The following LRP5 variants were observed in gnomAD, a reference collection of about 807,000 sequenced individuals.
LRP5 encodes LDL receptor related protein 5, also known as low-density lipoprotein receptor-related protein 5.
In LRP5, 62 loss-of-function variants were observed where a neutral mutation model predicts 154.1. The ratio of observed to expected loss-of-function variants is 0.40; its 90% CI spans 0.33 to 0.50. The LOEUF is 0.50. Among genes scored for constraint, LRP5 ranks in the 20% least tolerant of loss-of-function variants. The pLI is 0.55. For missense variants in LRP5, 1,915 were observed against 2,336.7 expected, an observed-to-expected ratio of 0.82 and a Z score of 3.72; for synonymous variants, 966 against 1,011.5, an observed-to-expected ratio of 0.96 and a Z score of 0.85.
intron 1 of LRP5, among the ~76,000 whole-genome samples, chr11:68,340,580 C>T (rs1256973897): frequency 6.6e-6 from 1 of 152,110 alleles, no homozygotes; most frequent in Non-Finnish European, 1.5e-5. Context: ...ATGTTGAGGT[C>T]AGAGGGGTTG....
intron 2 of LRP5, among the ~76,000 whole-genome samples, chr11:68,350,407 C>T (rs2098617290): frequency 6.6e-6 from 1 of 152,222 alleles, no homozygotes; most frequent in African/African-American, 2.4e-5. Flanking sequence ...CACAGGAGCC[C>T]GCCTGCCCTC....
At chr11:68,317,277 G>T (rs1380566131) in intron 1 of LRP5, among the ~76,000 whole-genome samples, 1 of 152,262 alleles carries the variant, frequency 6.6e-6, no homozygotes, top group Admixed American at 6.5e-5. Flanking sequence ...TGCCCATGCT[G>T]GTGGGGTCCC....
intron 5 of LRP5, among the ~76,000 whole-genome samples, chr11:68,369,354 GT>G (rs762448672): frequency 2.4e-4 from 37 of 152,138 alleles, no homozygotes; most frequent in Admixed American, 5.2e-4. Context: ...CCTAAACACT[GT>G]GTTGCATCTG....
At chr11:68,406,497 G>T in intron 8 of LRP5, 27 bp from the exon 9 acceptor site, 1 of 1,613,352 alleles carries the variant, frequency 6.2e-7, no homozygotes, top group South Asian at 1.1e-5. Context: ...TTGATGTTTA[G>T]ACTGGAGCCT....
In LRP5 at chr11:68,425,417, C is replaced by T. The variant is rs562371343; in HGVS notation, c.3427+125C>T. ...GCCGCGCCAGGGGCTTTGTGTGTAG[C>T]GTGTTTTGTCCTCACACTGACAGCT... is the stretch of plus-strand genomic sequence containing the variant. On this transcript the variant is annotated intron_variant, in intron 15 of 22. Coordinates refer to ENST00000294304, the MANE Select transcript of LRP5 (RefSeq NM_002335.4). 4.7e-5 allele frequency: 47 copies of T among 1,004,348 alleles called. No individual in the cohort carries two copies. The East Asian group carries it at 6.3e-4, about 13-fold the overall frequency. The allele number at this position is 1,004,348 out of a possible 1,614,324, so 62.2% of individuals were successfully genotyped here. A position where few individuals can be genotyped will look rare whatever the true frequency, so the allele number is the denominator to read the frequency against.
chr11:68,361,797 G>T (rs1476880648), intron 3 of LRP5, among the ~76,000 whole-genome samples: 1 of 152,190 alleles, frequency 6.6e-6, no homozygotes, highest in Admixed American at 6.5e-5. Context: ...ACTCCAGCCT[G>T]GGTGACAGAG....
rs1464219119 is a variant in LRP5, at chr11:68,415,676, T to C, written c.2828-652T>C. On this transcript the variant is annotated intron_variant, in intron 12 of 22. Transcript: ENST00000294304. Reference sequence around the variant, plus strand: ...AGGAGAATCGCTTGAACTTGGGAGGTGGAAGTTTCAAGTGAGCTCATTTTG... The same window carrying C: ...AGGAGAATCGCTTGAACTTGGGAGGCGGAAGTTTCAAGTGAGCTCATTTTG... Among the ~76,000 whole-genome samples, 251 of 46,356 alleles carry C rather than the reference T, an allele frequency of 5.4e-3. 3 individuals are homozygous for C. The highest frequency in any genetic ancestry group is 0.023 in the Middle Eastern group (2 of 88). 30.4% of individuals were successfully genotyped at this position (46,356 alleles called of 152,430 possible).
rs750533610 is a variant in LRP5, at chr11:68,423,555, G to T, written c.3094G>T (p.Asp1032Tyr). The part of the protein sequence containing the change: ...PDRQPHDLSI[D>Y]IYSRTLFWTC... Reference sequence around the variant, plus strand: ...CAGGCAGCCCCACGACCTCAGCATCGACATCTACAGCCGGACACTGTTCTG... The same window carrying T: ...CAGGCAGCCCCACGACCTCAGCATCTACATCTACAGCCGGACACTGTTCTG... Residue 1032 changes from aspartate to tyrosine, a missense_variant, in exon 14 of 23, where the codon GAC becomes TAC. Physicochemically the swap from Asp to Tyr is radical, Grantham distance 160. This residue lies in a region of LRP5 where 1,094 missense variants were observed against 1,210.1 expected (regional missense o/e 0.90). Coordinates refer to ENST00000294304, the MANE Select transcript of LRP5 (RefSeq NM_002335.4). This position sits in a 1 kb window ranked among gnomAD's most constrained non-coding sequence, Gnocchi z 4.7. 6.2e-7 allele frequency: 1 copy of T among 1,614,184 alleles called. No individual in the cohort carries two copies. Among genetic ancestry groups the T allele is most frequent in the Non-Finnish European group, 8.5e-7 (1 of 1,180,018 alleles).
intron 10 of LRP5, among the ~76,000 whole-genome samples, chr11:68,410,681 G>A (rs1465081182): frequency 6.6e-6 from 1 of 152,216 alleles, no homozygotes; most frequent in East Asian, 1.9e-4. Context: ...GCTTTGAGCT[G>A]CCAGGCGTCC....
intron 2 of LRP5, among the ~76,000 whole-genome samples, chr11:68,349,546 A>G (rs77780971): frequency 6.6e-6 from 1 of 152,114 alleles, no homozygotes; most frequent in African/African-American, 2.4e-5. Context: ...ACCTGCTGGG[A>G]GTGGTTCTCG....
chr11:68,428,407 A>G (rs1426410202), intron 16 of LRP5, among the ~76,000 whole-genome samples: 2 of 152,118 alleles, frequency 1.3e-5, no homozygotes, highest in East Asian at 1.9e-4. Context: ...TGTGCTGGAG[A>G]CCAGAAGCCT....
At chr11:68,320,261 T>C (rs2098596010) in intron 1 of LRP5, among the ~76,000 whole-genome samples, 1 of 152,198 alleles carries the variant, frequency 6.6e-6, no homozygotes, top group South Asian at 2.1e-4. Flanking sequence ...CTTTCCTATA[T>C]CCTCTCTGAT....
intron 1 of LRP5, 25 bp downstream of exon 1, chr11:68,312,830 G>A (rs2098589476): frequency 9.8e-7 from 1 of 1,023,416 alleles, no homozygotes; most frequent in Non-Finnish European, 1.2e-6. Context: ...GCCGGCCGGG[G>A]GCCGCGGGTT....
chr11:68,411,199 C>T (rs1352634267), intron 10 of LRP5, among the ~76,000 whole-genome samples: 2 of 152,192 alleles, frequency 1.3e-5, no homozygotes, highest in Admixed American at 6.5e-5. Context: ...GGTATTTACT[C>T]GCCTTACGAG....
chr11:68,337,669 G>T (rs1039291448), intron 1 of LRP5, among the ~76,000 whole-genome samples: 1 of 150,634 alleles, frequency 6.6e-6, no homozygotes, highest in Non-Finnish European at 1.5e-5. Context: ...ACCCACAGCC[G>T]TGTCTTCTTC....
chr11:68,386,849 C>T lies in LRP5; in HGVS notation c.1412+137C>T. ...GGAGGGCTTGTTAAAACACCGGCAGCTGGGCCCCACCCCCAGAGCGGTGAT... is the reference window on the plus strand; with the variant it reads ...GGAGGGCTTGTTAAAACACCGGCAGTTGGGCCCCACCCCCAGAGCGGTGAT... On this transcript the variant is annotated intron_variant, in intron 6 of 22. Coordinates refer to ENST00000294304, the MANE Select transcript of LRP5 (RefSeq NM_002335.4). This position sits in a 1 kb window ranked among gnomAD's most constrained non-coding sequence, Gnocchi z 7.9. 9.6e-7 allele frequency: 1 copy of T among 1,041,952 alleles called. No individual in the cohort carries two copies. The highest frequency in any genetic ancestry group is 1.4e-6 in the Non-Finnish European group (1 of 737,292). The allele number at this position is 1,041,952 out of a possible 1,614,324, so 64.5% of individuals were successfully genotyped here.
the LRP5 span, among the ~76,000 whole-genome samples, chr11:68,300,212 G>C: frequency 6.7e-6 from 1 of 149,186 alleles, no homozygotes; most frequent in Non-Finnish European, 1.5e-5. Context: ...TTTTAAGAAG[G>C]GAGAATCCCG....
chr11:68,366,092 C>T (rs1442259096), intron 5 of LRP5, among the ~76,000 whole-genome samples: 2 of 152,108 alleles, frequency 1.3e-5, no homozygotes, highest in East Asian at 1.9e-4. Context: ...AAATCACACA[C>T]GTTCAGGATG....
chr11:68,300,225 G>A, the LRP5 span, among the ~76,000 whole-genome samples: 10 of 149,116 alleles, frequency 6.7e-5, 1 homozygote, highest in African/African-American at 2.2e-4. Flanking sequence ...GAATCCCGTG[G>A]CGTTTACAAG....
Sources: gnomAD v4.1 joint callset for allele counts (sites outside exome capture counted in the v4.1 genomes callset) on GRCh38, gnomAD v4.1.1 for gene constraint, gnomAD v4.1.1 regional missense constraint, Gnocchi (gnomAD v3.1) non-coding constraint, MANE v1.5 for transcripts, NCBI Gene and HGNC (gene_info 2026-07-23, HGNC 2026-07-21) for gene names.